SEPTIN5: variants seen among roughly 807,000 people sequenced by gnomAD.
SEPTIN5 encodes septin-5.
SEPTIN5 carries 16 observed loss-of-function variants against 51.2 expected under a neutral mutation model. That is an observed-to-expected ratio of 0.31 (90% CI 0.21 to 0.47). SEPTIN5 has a LOEUF of 0.47. Among genes scored for constraint, SEPTIN5 ranks in the 20% least tolerant of loss-of-function variants. SEPTIN5 has a pLI of 0.99. For missense variants in SEPTIN5, 376 were observed against 500.3 expected (o/e 0.75, Z 2.37); for synonymous variants, 208 against 191.2 (o/e 1.09, Z -0.72).
At chr22:19,719,170 C>G (rs1935972495) in intron 2 of SEPTIN5, 2 of 228,474 alleles carry the variant, frequency 8.8e-6, no homozygotes, top group Non-Finnish European at 1.7e-5. Flanking sequence ...CGGCTGGATC[C>G]GGGCCAGGTG....
chr22:19,722,809 G>T lies in SEPTIN5; in HGVS notation c.*325G>T, dbSNP rs1039490055. On this transcript the variant is annotated 3_prime_UTR_variant, in exon 12 of 12. Coordinates refer to ENST00000455784, the MANE Select transcript of SEPTIN5 (RefSeq NM_002688.6). Reference sequence around the variant, plus strand: ...TGCTCTGGCAGGCAGGCAAAGCTAGGCAGAAGAGGATTCCCAGGATCCTGG... The same window carrying T: ...TGCTCTGGCAGGCAGGCAAAGCTAGTCAGAAGAGGATTCCCAGGATCCTGG... 2.0e-5 allele frequency: 10 copies of T among 492,818 alleles called. No individual in the cohort carries two copies. The highest frequency in any genetic ancestry group is 3.3e-5 in the Non-Finnish European group (9 of 269,948). 30.5% of individuals were successfully genotyped at this position (492,818 alleles called of 1,614,324 possible). A position where few individuals can be genotyped will look rare whatever the true frequency, so the allele number is the denominator to read the frequency against.
Position 19,720,249 on chromosome 22 carries a change from C to G in SEPTIN5, c.362+11C>G. 1 of 1,613,506 alleles carries G rather than the reference C, an allele frequency of 6.2e-7. No homozygotes were observed. Among genetic ancestry groups the G allele is most frequent in the Non-Finnish European group, 8.5e-7 (1 of 1,180,004 alleles). On this transcript the variant is annotated intron_variant, in intron 5 of 11. Coordinates refer to ENST00000455784, the MANE Select transcript of SEPTIN5 (RefSeq NM_002688.6). ...CAACAACACCGAGTGGTGAGTGAGG[C>G]CTGCTGAGAAAGGCCTTGCCTAGGC... is the stretch of plus-strand genomic sequence containing the variant.
intron 2 of SEPTIN5, among the ~76,000 whole-genome samples, chr22:19,715,300 C>T (rs891808662): frequency 6.6e-6 from 1 of 152,252 alleles, no homozygotes; most frequent in South Asian, 2.1e-4. Flanking sequence ...GGACTCTTCC[C>T]CAGATTGGGA....
intron 2 of SEPTIN5, chr22:19,719,044 TC>T: frequency 2.4e-6 from 1 of 418,518 alleles, no homozygotes; most frequent in Non-Finnish European, 3.9e-6. Flanking sequence ...GTGGGACCCC[TC>T]CAGGGGCCCC....
At chr22:19,719,355 A>G in intron 2 of SEPTIN5, 2 of 497,802 alleles carry the variant, frequency 4.0e-6, no homozygotes, top group East Asian at 7.0e-5. Context: ...CGGAATAAAT[A>G]CAGTGTCGGT....
At chr22:19,715,452 C>T (rs1438556322) in intron 2 of SEPTIN5, among the ~76,000 whole-genome samples, 1 of 152,164 alleles carries the variant, frequency 6.6e-6, no homozygotes, top group East Asian at 1.9e-4. Context: ...GGTCTAGGCA[C>T]CTGGGTGAAA....
intron 2 of SEPTIN5, 84 bp from the exon 3 acceptor site, chr22:19,719,518 C>T (rs1601241062): frequency 8.9e-7 from 1 of 1,122,908 alleles, no homozygotes; most frequent in Non-Finnish European, 1.3e-6. Flanking sequence ...TCTGCTGTCT[C>T]CTCATACCGC....
In SEPTIN5 at chr22:19,721,640, G is replaced by A; in HGVS notation, c.718G>A (p.Glu240Lys). ...GAGCCTTTCTCCCTCCTTCCCCCAG[G>A]AGAGCGCGCCCTTCGCCGTTATAGG... ...DFKQQDRELK[E>K]SAPFAVIGSN... Residue 240 changes from glutamate to lysine, a missense_variant and splice_region_variant, in exon 9 of 12, where the codon GAG (glutamate) becomes AAG (lysine). Physicochemically the swap from Glu to Lys is moderately conservative, Grantham distance 56. Coordinates refer to ENST00000455784, the MANE Select transcript of SEPTIN5 (RefSeq NM_002688.6). 1 of 1,612,760 alleles carries A rather than the reference G, an allele frequency of 6.2e-7. No individual in the cohort carries two copies. The highest frequency in any genetic ancestry group is 8.5e-7 in the Non-Finnish European group (1 of 1,179,768).
chr22:19,717,362 C>A, intron 2 of SEPTIN5: 1 of 470,310 alleles, frequency 2.1e-6, no homozygotes, highest in South Asian at 1.5e-5. Context: ...TCGGGAGACC[C>A]CCGCAGTCCC....
At chr22:19,717,856 A>T (rs925585418) in intron 2 of SEPTIN5, 4 of 178,418 alleles carry the variant, frequency 2.2e-5, no homozygotes. Context: ...ATACACGCGC[A>T]CACACGCAGG....
In SEPTIN5 at chr22:19,722,897, G is replaced by C. The variant is rs1199600726; in HGVS notation, c.*413G>C. 4.5e-6 allele frequency: 2 copies of C among 447,468 alleles called. No individual in the cohort carries two copies. Among genetic ancestry groups the C allele is most frequent in the African/African-American group, 3.9e-5 (2 of 51,110 alleles). 27.7% of individuals were successfully genotyped at this position (447,468 alleles called of 1,614,324 possible). On this transcript the variant is annotated 3_prime_UTR_variant, in exon 12 of 12. Transcript: ENST00000455784. ...GAGCCCTCCTTTGCCTGCTCCCGCG[G>C]GTCACCCAGCGAGTGCTGAGACCCC...
At chr22:19,718,434 CG>C in intron 2 of SEPTIN5, 1 of 1,082,426 alleles carries the variant, frequency 9.2e-7, no homozygotes, top group Non-Finnish European at 1.1e-6. Flanking sequence ...GCGCGCTCCG[CG>C]GGCGCCTGCG....
At chr22:19,717,688 G>A in intron 2 of SEPTIN5, 2 of 266,756 alleles carry the variant, frequency 7.5e-6, no homozygotes, top group South Asian at 6.9e-5. Context: ...AGCCTCCTAG[G>A]GGACAGGCAG....
chr22:19,719,991 C>T (rs766439133), intron 4 of SEPTIN5, 99 bp downstream of exon 4: 157 of 1,599,434 alleles, frequency 9.8e-5, no homozygotes, highest in Non-Finnish European at 1.3e-4. Context: ...CTGTTCTGTT[C>T]TCGCGGTGTG....
At chr22:19,722,206 C>A in intron 10 of SEPTIN5, 31 bp from the exon 11 acceptor site, 1 of 1,372,340 alleles carries the variant, frequency 7.3e-7, no homozygotes, top group South Asian at 1.3e-5. Context: ...GGTGGCGCCG[C>A]CCCGCCCATC....
chr22:19,717,132 A>G lies in SEPTIN5; in HGVS notation c.54+2341A>G, dbSNP rs146627613. 1,842 of 340,850 alleles carry G rather than the reference A, an allele frequency of 5.4e-3. 17 individuals are homozygous for G. The highest frequency in any genetic ancestry group is 0.022 in the South Asian group (1,052 of 48,776). The allele number at this position is 340,850 out of a possible 1,614,324, so 21.1% of individuals were successfully genotyped here. A position where few individuals can be genotyped will look rare whatever the true frequency, so the allele number is the denominator to read the frequency against. ...ACAACAGGACCAGGGCCTGGACAGG[A>G]AGTGGAGGAGGTCTCTCAGCCAGGA... On this transcript the variant is annotated intron_variant, in intron 2 of 11. Coordinates refer to ENST00000455784, the MANE Select transcript of SEPTIN5 (RefSeq NM_002688.6).
intron 4 of SEPTIN5, 66 bp from the exon 5 acceptor site, chr22:19,720,049 G>A (rs1030557177): frequency 1.1e-5 from 17 of 1,610,190 alleles, no homozygotes; most frequent in Non-Finnish European, 1.4e-5. Context: ...GAGGACGAGG[G>A]TCCTGGCTGC....
At chr22:19,718,707 G>A (rs760349946) in intron 2 of SEPTIN5, 15 of 1,258,810 alleles carry the variant, frequency 1.2e-5, no homozygotes, top group Non-Finnish European at 1.5e-5. Flanking sequence ...TGGGGTCCGA[G>A]CGTGCCCCCG....
rs1194402602 is a variant in SEPTIN5, at chr22:19,720,874, A to T, written c.717+5A>T. Reference sequence around the variant, plus strand: ...CAGCAGGACCGGGAACTGAAGGTGAACATGCAGACTGGTGGGGCAGGGGGG... The same window carrying T: ...CAGCAGGACCGGGAACTGAAGGTGATCATGCAGACTGGTGGGGCAGGGGGG... On this transcript the variant is annotated splice_donor_5th_base_variant and intron_variant, in intron 8 of 11. Transcript: ENST00000455784. 1.2e-6 allele frequency: 2 copies of T among 1,612,258 alleles called. No individual in the cohort carries two copies. The highest frequency in any genetic ancestry group is 3.3e-5 in the Admixed American group (2 of 60,024).
Sources: gnomAD v4.1 joint callset for allele counts (sites outside exome capture counted in the v4.1 genomes callset) on GRCh38, gnomAD v4.1.1 for gene constraint, MANE v1.5 for transcripts, NCBI Gene and HGNC (gene_info 2026-07-23, HGNC 2026-07-21) for gene names.